Variants in NMS observed in about 807,000 individuals in gnomAD.
NMS encodes neuromedin-S.
In NMS, 30 loss-of-function variants were observed where a neutral mutation model predicts 32.2. The observed-to-expected ratio is 0.93, with a 90% confidence interval of 0.70 to 1.26. The LOEUF (loss-of-function observed/expected upper bound fraction) is 1.26. NMS is among the 50% of genes most tolerant of loss of function. NMS has a pLI of 0.00. For missense variants in NMS, 190 were observed against 186.3 expected (o/e 1.02, Z -0.12); for synonymous variants, 76 against 58.5 (o/e 1.30, Z -1.37).
At chr2:100,478,804 A>G (rs746231951) in intron 5 of NMS, among the ~76,000 whole-genome samples, 1 of 152,254 alleles carries the variant, frequency 6.6e-6, no homozygotes, top group Non-Finnish European at 1.5e-5. Flanking sequence ...AGGAGAAAGA[A>G]CAATGGAAAA....
chr2:100,474,585 A>G (rs2104332585), intron 3 of NMS, among the ~76,000 whole-genome samples: 1 of 152,314 alleles, frequency 6.6e-6, no homozygotes, highest in East Asian at 1.9e-4. Flanking sequence ...TGTCATCTGT[A>G]GTATAGGGGT....
intron 1 of NMS, among the ~76,000 whole-genome samples, chr2:100,471,618 C>T (rs1456539818): frequency 1.3e-5 from 2 of 152,154 alleles, no homozygotes; most frequent in African/African-American, 2.4e-5. Context: ...ACTCACCTCC[C>T]TATTTTTTCC....
At chr2:100,473,141 G>A (rs1047219293) in intron 2 of NMS, among the ~76,000 whole-genome samples, 14 of 152,236 alleles carry the variant, frequency 9.2e-5, no homozygotes, top group African/African-American at 3.1e-4. Context: ...TTGATTCGTT[G>A]TCTAAATTTT....
At chr2:100,474,925 T>C (rs930023496) in intron 3 of NMS, among the ~76,000 whole-genome samples, 1 of 152,224 alleles carries the variant, frequency 6.6e-6, no homozygotes, top group African/African-American at 2.4e-5. Context: ...CATCCCTTTG[T>C]TACTTCCTCC....
At chr2:100,479,597 TCA>T (rs1384245976) in intron 6 of NMS, among the ~76,000 whole-genome samples, 170 bp downstream of exon 6, 3 of 152,324 alleles carry the variant, frequency 2.0e-5, no homozygotes. Flanking sequence ...TCCCCGGGCC[TCA>T]GTTTCCTCCA....
intron 7 of NMS, 110 bp from the exon 8 acceptor site, chr2:100,481,016 G>T (rs946853676): frequency 9.9e-7 from 1 of 1,011,962 alleles, no homozygotes; most frequent in African/African-American, 1.6e-5. Context: ...AGAGGTTGTT[G>T]GTGCCACTGG....
Position 100,478,001 on chromosome 2 carries a change from G to A in NMS, c.261+587G>A, listed in dbSNP as rs1459178171. 6.6e-5 allele frequency among the ~76,000 whole-genome samples: 10 copies of A among 152,238 alleles called. No individual in the cohort carries two copies. The South Asian group carries it at 8.3e-4, about 13-fold the overall frequency. On this transcript the variant is annotated intron_variant, in intron 5 of 9. Transcript: ENST00000376865. ...TATTTGAGAAGAGTCTTGCTCTGTC[G>A]CCCAGGCTGGAGTGCAGGGGCGCCA...
At chr2:100,471,135 G>A (rs17024368) in intron 1 of NMS, among the ~76,000 whole-genome samples, 40,640 of 152,040 alleles carry the variant, frequency 0.27, 5,807 homozygotes, top group East Asian at 0.42. Flanking sequence ...TCGCCTCACC[G>A]ACTCTGAGAA....
At chr2:100,479,326 G>A in intron 5 of NMS, 27 bp from the exon 6 acceptor site, 2 of 1,583,972 alleles carry the variant, frequency 1.3e-6, no homozygotes, top group Non-Finnish European at 1.7e-6. Flanking sequence ...CCCCCTGTCT[G>A]ACCCTCTCCG....
At chr2:100,481,824 G>A (rs894063967) in intron 8 of NMS, among the ~76,000 whole-genome samples, 1 of 152,224 alleles carries the variant, frequency 6.6e-6, no homozygotes, top group African/African-American at 2.4e-5. Context: ...AACACAACCT[G>A]TGTCACTTGG....
In NMS at chr2:100,481,168, G is replaced by A; in HGVS notation, c.414+1G>A. The A allele has an allele frequency of 3.1e-6, 5 of 1,614,066 alleles. No homozygotes were observed. Among genetic ancestry groups the A allele is most frequent in the Middle Eastern group, 1.6e-4 (1 of 6,062 alleles). On this transcript the variant is annotated splice_donor_variant, in intron 8 of 9. Transcript: ENST00000376865. LOFTEE classifies it high-confidence loss of function. Reference sequence around the variant, plus strand: ...GGGACGACCCTTTTTCCTTTTCAGGGTATAGCATGTTTTCTCACCTTTGCT... The same window carrying A: ...GGGACGACCCTTTTTCCTTTTCAGGATATAGCATGTTTTCTCACCTTTGCT...
chr2:100,483,200 G>A, intron 9 of NMS, 52 bp from the exon 10 acceptor site: 1 of 1,560,438 alleles, frequency 6.4e-7, no homozygotes, highest in Non-Finnish European at 8.8e-7. Flanking sequence ...GCTTTGTCTT[G>A]ATTCCGAGAA....
intron 8 of NMS, 53 bp downstream of exon 8, chr2:100,481,220 C>T (rs1334637862): frequency 7.1e-6 from 11 of 1,546,164 alleles, no homozygotes; most frequent in Non-Finnish European, 9.8e-6. Context: ...CTGCAGCCAT[C>T]CCAATCATGG....
chr2:100,482,183 G>A, intron 8 of NMS, 94 bp from the exon 9 acceptor site: 1 of 1,225,284 alleles, frequency 8.2e-7, no homozygotes, highest in Non-Finnish European at 1.2e-6. Flanking sequence ...AGAAGAATGA[G>A]GCCTTAGGGT....
intron 3 of NMS, among the ~76,000 whole-genome samples, chr2:100,475,611 C>T (rs1046737741): frequency 2.0e-5 from 3 of 152,148 alleles, no homozygotes; most frequent in African/African-American, 7.2e-5. Context: ...GTAAAACAAA[C>T]TGAGCACCTG....
At chr2:100,470,867 G>T (rs1359702757) in intron 1 of NMS, among the ~76,000 whole-genome samples, 1 of 152,220 alleles carries the variant, frequency 6.6e-6, no homozygotes, top group Admixed American at 6.5e-5. Context: ...TGAGTTAGGG[G>T]AAGATCCCAC....
rs201296685 is a variant in NMS at position 100,473,499 on chromosome 2, A to G, written c.143A>G (p.Tyr48Cys). 8 of 1,487,640 alleles carry G rather than the reference A, an allele frequency of 5.4e-6. No homozygotes were observed. The highest frequency in any genetic ancestry group is 2.4e-5 in the East Asian group (1 of 40,890). 92.2% of individuals were successfully genotyped at this position (1,487,640 alleles called of 1,614,324 possible). ...CATTTTATTTTTTAGCAGCTGGCAT[A>G]TTGTCTGAGTCAGTGGGCACCTCTT... ...LDIVQLEQLA[Y>C]CLSQWAPLSR... The change falls in exon 3 of 10, where the codon TAT becomes TGT. Residue 48 changes from tyrosine (Y) to cysteine (C), a missense_variant. Tyr to Cys is a radical substitution (Grantham distance 194). Transcript: ENST00000376865.
In NMS at chr2:100,481,162, T is replaced by C; in HGVS notation, c.409T>C (p.Phe137Leu). The C allele has an allele frequency of 1.2e-6, 2 of 1,614,116 alleles. No homozygotes were observed. Among genetic ancestry groups the C allele is most frequent in the African/African-American group, 1.3e-5 (1 of 75,036 alleles). ...GACCTGGGGACGACCCTTTTTCCTT[T>C]TCAGGGTATAGCATGTTTTCTCACC... ...TATWGRPFFL[F>L]RPRNGRNIED... The change falls in exon 8 of 10, where the codon TTC becomes CTC. Residue 137 changes from phenylalanine to leucine, a missense_variant. Physicochemically the swap from Phe to Leu is conservative, Grantham distance 22. Coordinates refer to ENST00000376865, the MANE Select transcript of NMS (RefSeq NM_001011717.1).
intron 1 of NMS, among the ~76,000 whole-genome samples, chr2:100,472,138 A>C (rs1160698342): frequency 2.0e-5 from 3 of 152,216 alleles, no homozygotes; most frequent in Non-Finnish European, 4.4e-5. Context: ...CCACACATTA[A>C]AAATCTAAGT....
Sources: gnomAD v4.1 joint callset for allele counts (sites outside exome capture counted in the v4.1 genomes callset) on GRCh38, gnomAD v4.1.1 for gene constraint, MANE v1.5 for transcripts, NCBI Gene and HGNC (gene_info 2026-07-23, HGNC 2026-07-21) for gene names.